PHLPP2: variants seen among roughly 807,000 people sequenced by gnomAD.
PHLPP2 encodes the protein PH domain and leucine rich repeat protein phosphatase 2, also known as PH domain leucine-rich repeat-containing protein phosphatase 2.
Under a neutral mutation model 124.9 loss-of-function variants are expected in PHLPP2, and 66 were observed. The ratio of observed to expected loss-of-function variants is 0.53; its 90% CI spans 0.43 to 0.65. The LOEUF (loss-of-function observed/expected upper bound fraction) is 0.65, where lower values mean the gene tolerates loss of function less well. Ranked by LOEUF, PHLPP2 falls within the 30% of genes least tolerant of loss-of-function variation. The pLI is 0.00. For missense variants in PHLPP2, 1,685 were observed against 1,600.4 expected (o/e 1.05, Z -0.90); for synonymous variants, 681 against 624.7 (o/e 1.09, Z -1.34).
chr16:71,665,785 C>T (rs1263526787), intron 12 of PHLPP2, among the ~76,000 whole-genome samples: 1 of 152,168 alleles, frequency 6.6e-6, no homozygotes, highest in Non-Finnish European at 1.5e-5. Flanking sequence ...TTATGCATTG[C>T]TAACAAACAT....
chr16:71,693,643 G>C (rs566917079), intron 3 of PHLPP2, among the ~76,000 whole-genome samples: 5 of 152,276 alleles, frequency 3.3e-5, no homozygotes, highest in Non-Finnish European at 5.9e-5. Flanking sequence ...CTAAACTCCT[G>C]ATGGAGCACC....
At chr16:71,710,399 G>C (rs939461815) in intron 2 of PHLPP2, among the ~76,000 whole-genome samples, 2 of 152,136 alleles carry the variant, frequency 1.3e-5, no homozygotes, top group African/African-American at 4.8e-5. Context: ...ACATAAAGTA[G>C]TAATGAATAA....
chr16:71,662,819 T>A (rs1000432959), intron 13 of PHLPP2, among the ~76,000 whole-genome samples: 1 of 151,494 alleles, frequency 6.6e-6, no homozygotes, highest in African/African-American at 2.4e-5. Context: ...GCCCAGGAGT[T>A]TGAGACCAGC....
chr16:71,663,995 T>C lies in PHLPP2; in HGVS notation c.1889A>G (p.Asn630Ser), dbSNP rs768583525. The C allele has an allele frequency of 4.3e-6, 7 of 1,613,834 alleles. No homozygotes were observed. Among genetic ancestry groups the C allele is most frequent in the Admixed American group, 1.7e-5 (1 of 60,000 alleles). ...SMLQLLYLTN[N>S]LLTDQCIPVL... ...AGGTATGCACTGATCCGTCAGGAGA[T>C]TGTTGGTCAGATAAAGCAGCTGCAG... is the stretch of plus-strand genomic sequence containing the variant. The change falls in exon 13 of 19, where the codon AAT (asparagine) becomes AGT (serine). Residue 630 changes from asparagine (N) to serine (S), a missense_variant. Transcript: ENST00000568954.
intron 4 of PHLPP2, among the ~76,000 whole-genome samples, chr16:71,688,437 C>T (rs1226167401): frequency 6.6e-6 from 1 of 152,012 alleles, no homozygotes; most frequent in African/African-American, 2.4e-5. Flanking sequence ...GGCAGATATT[C>T]TTATTTCTGA....
chr16:71,670,558 CA>C (rs372018171), intron 10 of PHLPP2, among the ~76,000 whole-genome samples: 22 of 151,826 alleles, frequency 1.4e-4, no homozygotes, highest in African/African-American at 5.1e-4. Context: ...AACAAATGCA[CA>C]TAATTCTTGA....
intron 10 of PHLPP2, among the ~76,000 whole-genome samples, chr16:71,671,359 G>A (rs2044891367): frequency 6.6e-6 from 1 of 151,910 alleles, no homozygotes; most frequent in Admixed American, 6.6e-5. Context: ...CAACAACCCT[G>A]ACCAAATAGG....
intron 10 of PHLPP2, among the ~76,000 whole-genome samples, chr16:71,671,074 G>T (rs1209909136): frequency 6.6e-6 from 1 of 152,142 alleles, no homozygotes; most frequent in Non-Finnish European, 1.5e-5. Flanking sequence ...GAAATTTTGA[G>T]TTTGTAGTGG....
intron 10 of PHLPP2, among the ~76,000 whole-genome samples, chr16:71,669,848 G>C (rs2044874855): frequency 6.6e-6 from 1 of 152,166 alleles, no homozygotes; most frequent in Non-Finnish European, 1.5e-5. Context: ...TTTAGAATGT[G>C]AGCTCAAATA....
chr16:71,717,553 T>C (rs2045371140), intron 1 of PHLPP2, among the ~76,000 whole-genome samples: 1 of 152,234 alleles, frequency 6.6e-6, no homozygotes, highest in Admixed American at 6.5e-5. Context: ...AAGGGCTTAC[T>C]GCATAAACAT....
chr16:71,690,728 T>TTC lies in PHLPP2; in HGVS notation c.419-21_419-20dup. 6.4e-7 allele frequency: 1 copy of TTC among 1,552,268 alleles called. No individual in the cohort carries two copies. Among genetic ancestry groups the TTC allele is most frequent in the Non-Finnish European group, 8.9e-7 (1 of 1,128,364 alleles). ...GGTTTTTCTGAAAAGGAAATAATAC[T>TTC]TCAGAATCCACCATTAAAGTAGTGT... On this transcript the variant is annotated intron_variant, in intron 3 of 18. Transcript: ENST00000568954.
At chr16:71,687,716 G>A (rs561247387) in intron 4 of PHLPP2, among the ~76,000 whole-genome samples, 15 of 151,924 alleles carry the variant, frequency 9.9e-5, no homozygotes, top group Admixed American at 5.9e-4. Context: ...CTCTTATCCC[G>A]AGTGTATCAC....
intron 3 of PHLPP2, among the ~76,000 whole-genome samples, chr16:71,694,368 G>A (rs2045146727): frequency 1.3e-5 from 2 of 152,050 alleles, no homozygotes; most frequent in African/African-American, 2.4e-5. Flanking sequence ...GGCTGAGGCA[G>A]GAGAATTGCT....
chr16:71,672,707 C>T (rs2044905938), intron 9 of PHLPP2, among the ~76,000 whole-genome samples: 1 of 152,186 alleles, frequency 6.6e-6, no homozygotes, highest in African/African-American at 2.4e-5. Flanking sequence ...TTTTCACAAA[C>T]TGAACACACT....
chr16:71,689,478 C>T (rs573847668), intron 4 of PHLPP2, among the ~76,000 whole-genome samples: 4 of 151,424 alleles, frequency 2.6e-5, no homozygotes, highest in South Asian at 2.1e-4. Context: ...CCACAACCTC[C>T]GCCTCCCAGG....
rs767630510 is a variant in PHLPP2 at position 71,690,617 on chromosome 16, C to G, written c.511G>C (p.Glu171Gln). Residue 171 changes from glutamate to glutamine, a missense_variant, in exon 4 of 19, where the codon GAG (glutamate) becomes CAG (glutamine). Coordinates refer to ENST00000568954, the MANE Select transcript of PHLPP2 (RefSeq NM_015020.3). ...KGKTQLHKWA[E>Q]RLVVLCGTCL... ...GTACCACAGAGGACAACTAGGCGCTCAGCCCACTTATGCAGCTGGGTCTTT... is the reference window on the plus strand; with the variant it reads ...GTACCACAGAGGACAACTAGGCGCTGAGCCCACTTATGCAGCTGGGTCTTT... The G allele has an allele frequency of 6.2e-7, 1 of 1,611,838 alleles. No individual in the cohort carries two copies. Among genetic ancestry groups the G allele is most frequent in the Non-Finnish European group, 8.5e-7 (1 of 1,177,892 alleles).
At chr16:71,656,480 A>G (rs978367636) in intron 16 of PHLPP2, 91 bp downstream of exon 16, 2 of 728,764 alleles carry the variant, frequency 2.7e-6, no homozygotes, top group African/African-American at 3.5e-5. Context: ...CAACAGAACA[A>G]CATGGCCTAG....
At chr16:71,667,390 G>T in intron 11 of PHLPP2, 57 bp from the exon 12 acceptor site, 1 of 1,382,920 alleles carries the variant, frequency 7.2e-7, no homozygotes, top group Non-Finnish European at 1.0e-6. Context: ...CATTCTTTCT[G>T]AGGCTGTCCT....
chr16:71,716,385 T>C (rs1264918267), intron 1 of PHLPP2, among the ~76,000 whole-genome samples: 1 of 152,212 alleles, frequency 6.6e-6, no homozygotes, highest in African/African-American at 2.4e-5. Context: ...TTTCCATTCC[T>C]GCCCTGTTTC....
Sources: gnomAD v4.1 joint callset for allele counts (sites outside exome capture counted in the v4.1 genomes callset) on GRCh38, gnomAD v4.1.1 for gene constraint, MANE v1.5 for transcripts, NCBI Gene and HGNC (gene_info 2026-07-23, HGNC 2026-07-21) for gene names.